RAP1GAP: variants seen among roughly 807,000 people sequenced by gnomAD.
The protein encoded by RAP1GAP is RAP1 GTPase activating protein, also known as rap1 GTPase-activating protein 1.
RAP1GAP carries 35 observed loss-of-function variants against 87.2 expected under a neutral mutation model. The ratio of observed to expected loss-of-function variants is 0.40; its 90% CI spans 0.31 to 0.53. The LOEUF (loss-of-function observed/expected upper bound fraction) is 0.53. RAP1GAP is among the 20% of genes least tolerant of loss of function. The pLI, the probability that RAP1GAP is intolerant of heterozygous loss-of-function variation, is 0.48. For synonymous variants in RAP1GAP, 375 were observed against 363.9 expected, an observed-to-expected ratio of 1.03 and a Z score of -0.35; for missense variants, 734 against 898.9, an observed-to-expected ratio of 0.82 and a Z score of 2.35.
Position 21,626,386 on chromosome 1 carries a change from C to A in RAP1GAP, c.-101G>T. 4.3e-6 allele frequency: 7 copies of A among 1,612,590 alleles called. No individual in the cohort carries two copies. Among genetic ancestry groups the A allele is most frequent in the Non-Finnish European group, 8.5e-7 (1 of 1,178,844 alleles). On this transcript the variant is annotated 5_prime_UTR_variant, in exon 3 of 25. Coordinates refer to ENST00000374765, the MANE Select transcript of RAP1GAP (RefSeq NM_002885.4). The stretch of plus-strand genomic sequence containing the variant: ...TGCCTGAGGGAAGTGCTGGTTCTGC[C>A]CATCGCTCCTCCTGGAAGAGAAAGA...
At chr1:21,612,141 CG>C in intron 10 of RAP1GAP, 32 bp from the exon 11 acceptor site, 2 of 1,488,562 alleles carry the variant, frequency 1.3e-6, no homozygotes, top group Non-Finnish European at 1.8e-6. Context: ...GAAGAGGCTG[CG>C]TGTGCAAGCT....
At chr1:21,612,210 C>A in intron 10 of RAP1GAP, 101 bp from the exon 11 acceptor site, 2 of 876,006 alleles carry the variant, frequency 2.3e-6, no homozygotes, top group South Asian at 2.9e-5. Flanking sequence ...CTACACACGT[C>A]ACGTCATGTG....
chr1:21,641,965 C>G (rs898725882), intron 2 of RAP1GAP, among the ~76,000 whole-genome samples: 4 of 152,222 alleles, frequency 2.6e-5, no homozygotes, highest in African/African-American at 9.6e-5. Context: ...CATTGTTACA[C>G]CGGCCGGCCC....
chr1:21,634,569 G>A lies in RAP1GAP; in HGVS notation c.-112-8172C>T, dbSNP rs2094385429. Among the ~76,000 whole-genome samples, 1 of 152,220 alleles carries A rather than the reference G, an allele frequency of 6.6e-6. No individual in the cohort carries two copies. Among genetic ancestry groups the A allele is most frequent in the South Asian group, 2.1e-4 (1 of 4,836 alleles). On this transcript the variant is annotated intron_variant, in intron 2 of 24. Transcript: ENST00000374765. This position sits in a 1 kb window ranked among gnomAD's most constrained non-coding sequence, Gnocchi z 4.1. ...AGACTCAGGCCCCAAGCTGGGCAGA[G>A]GGATGGGCAGGAAGGTGGCACATGG...
intron 20 of RAP1GAP, among the ~76,000 whole-genome samples, chr1:21,600,517 C>T (rs963097910): frequency 6.6e-6 from 1 of 152,178 alleles, no homozygotes; most frequent in African/African-American, 2.4e-5. Flanking sequence ...TGTACAGCAA[C>T]CGAAGTCAGC....
intron 2 of RAP1GAP, among the ~76,000 whole-genome samples, chr1:21,645,394 C>T (rs1030478644): frequency 4.6e-5 from 7 of 151,948 alleles, no homozygotes; most frequent in African/African-American, 1.5e-4. Context: ...GGAGGAGGAT[C>T]GCTTGAGCCC....
intron 20 of RAP1GAP, 105 bp from the exon 21 acceptor site, chr1:21,599,722 G>A: frequency 6.8e-7 from 1 of 1,470,124 alleles, no homozygotes; most frequent in Non-Finnish European, 9.1e-7. Context: ...GCTGGTAGCA[G>A]CCAAGCACCT....
intron 1 of RAP1GAP, 61 bp from the exon 2 acceptor site, chr1:21,649,857 G>A (rs2096416462): frequency 1.3e-6 from 2 of 1,502,636 alleles, no homozygotes; most frequent in Non-Finnish European, 1.8e-6. Context: ...GCTTGGCCCA[G>A]CATATCACAC....
In RAP1GAP at chr1:21,603,852, T is replaced by C; in HGVS notation, c.1429-939A>G. ...ACGACAACCTCTTCCACGGTTCCTA[T>C]GCCTATGGCACTGCCCCGGCGTCCG... On this transcript the variant is annotated intron_variant, in intron 18 of 24. Coordinates refer to ENST00000374765, the MANE Select transcript of RAP1GAP (RefSeq NM_002885.4). This position sits in a 1 kb window ranked among gnomAD's most constrained non-coding sequence, Gnocchi z 6.0. 6.2e-7 allele frequency: 1 copy of C among 1,606,724 alleles called. No individual in the cohort carries two copies. Among genetic ancestry groups the C allele is most frequent in the Non-Finnish European group, 8.5e-7 (1 of 1,176,720 alleles).
At position 21,602,814 on chromosome 1, in the gene RAP1GAP, G is replaced by A; in HGVS notation, c.1528C>T (p.Gln510Ter). 6.2e-7 allele frequency: 1 copy of A among 1,607,594 alleles called. No individual in the cohort carries two copies. Residue 510 changes from glutamine (Q) to a stop codon, truncating the protein, a stop_gained, in exon 19 of 25, where the codon CAG becomes TAG. Coordinates refer to ENST00000374765, the MANE Select transcript of RAP1GAP (RefSeq NM_002885.4). LOFTEE classifies it high-confidence loss of function. ...AIGIENIQEV[Q>*]EKRESPPAGQ... ...CCCCCACTCACCCACCTCTTCTCCT[G>A]CACCTCCTGTATGTTCTCGATGCCA...
chr1:21,619,651 G>A (rs1239708415), intron 4 of RAP1GAP, among the ~76,000 whole-genome samples: 1 of 152,074 alleles, frequency 6.6e-6, no homozygotes, highest in Non-Finnish European at 1.5e-5. Context: ...CAGGCCCCCA[G>A]CATCTGTCCC....
chr1:21,639,092 C>T (rs572687326), intron 2 of RAP1GAP, among the ~76,000 whole-genome samples: 4 of 152,232 alleles, frequency 2.6e-5, no homozygotes, highest in African/African-American at 9.7e-5. Context: ...GCAAGCCAGG[C>T]CAGCCGGGTT....
intron 1 of RAP1GAP, among the ~76,000 whole-genome samples, chr1:21,652,493 C>T (rs1465171462): frequency 1.3e-5 from 2 of 152,112 alleles, no homozygotes. Context: ...CCTCCAATAG[C>T]CCCTCCTTGC....
At position 21,626,074 on chromosome 1, in the gene RAP1GAP, G is replaced by A. The variant is rs916559330; in HGVS notation, c.-19+230C>T. On this transcript the variant is annotated intron_variant, in intron 3 of 24. Coordinates refer to ENST00000374765, the MANE Select transcript of RAP1GAP (RefSeq NM_002885.4). ...ATTCCCAGCTGTTTTGCTTAGATTC[G>A]CCCTAAGCCCCTCCCTGCCACAGTC... 2.0e-5 allele frequency among the ~76,000 whole-genome samples: 3 copies of A among 152,080 alleles called. No individual in the cohort carries two copies. The highest frequency in any genetic ancestry group is 4.4e-5 in the Non-Finnish European group (3 of 68,022).
At chr1:21,623,962 G>A (rs1406829777) in intron 3 of RAP1GAP, among the ~76,000 whole-genome samples, 1 of 152,238 alleles carries the variant, frequency 6.6e-6, no homozygotes. Context: ...GTATGTATGT[G>A]GGCATACTGT....
rs753716790 is a variant in RAP1GAP at position 21,601,810 on chromosome 1, C to A, written c.1539-13G>T. The A allele has an allele frequency of 6.5e-7, 1 of 1,549,044 alleles. No homozygotes were observed. The highest frequency in any genetic ancestry group is 8.8e-7 in the Non-Finnish European group (1 of 1,137,372). On this transcript the variant is annotated splice_polypyrimidine_tract_variant and intron_variant, in intron 19 of 24. Coordinates refer to ENST00000374765, the MANE Select transcript of RAP1GAP (RefSeq NM_002885.4). ...CGGAGGGCTCTCCCTGCGGGGCACA[C>A]GGGGGCAGCGGGGGGATTCAGCACC...
At position 21,660,310 on chromosome 1, in the gene RAP1GAP, AGGGCTGGACAGAGTGGGTTCC is replaced by A. The variant is rs2097070575; in HGVS notation, c.-149+8923_-149+8943del. ...CAGTGAGGAAGGGCACAGGCTCAAG[AGGGCTGGACAGAGTGGGTTCC>A]AACTCAGCTATATATATTTATTGAG... On this transcript the variant is annotated intron_variant, in intron 1 of 24. Coordinates refer to ENST00000374765, the MANE Select transcript of RAP1GAP (RefSeq NM_002885.4). Among the ~76,000 whole-genome samples, 4 of 86,074 alleles carry A rather than the reference AGGGCTGGACAGAGTGGGTTCC, an allele frequency of 4.6e-5. No homozygotes were observed. In the South Asian group the frequency reaches 1.5e-3, roughly 33 times the overall value. The allele number at this position is 86,074 out of a possible 152,430, so 56.5% of individuals were successfully genotyped here. A position where few individuals can be genotyped will look rare whatever the true frequency, so the allele number is the denominator to read the frequency against.
In RAP1GAP at chr1:21,617,308, T is replaced by G; in HGVS notation, c.289A>C (p.Lys97Gln). Residue 97 changes from lysine to glutamine, a missense_variant and splice_region_variant, in exon 7 of 25, where the codon AAG becomes CAG. Coordinates refer to ENST00000374765, the MANE Select transcript of RAP1GAP (RefSeq NM_002885.4). ...CGCTGCACCAGCCGGCCACCCACCTTGCCGAGAAAGTGCTTCCGGTAGATG... is the reference window on the plus strand; with the variant it reads ...CGCTGCACCAGCCGGCCACCCACCTGGCCGAGAAAGTGCTTCCGGTAGATG... ...ARIYRKHFLG[K>Q]EHFNYYSLDA... 6.4e-7 allele frequency: 1 copy of G among 1,568,616 alleles called. No homozygotes were observed. The highest frequency in any genetic ancestry group is 8.6e-7 in the Non-Finnish European group (1 of 1,156,072).
At chr1:21,607,560 CTTT>C in intron 17 of RAP1GAP, among the ~76,000 whole-genome samples, 1 of 39,400 alleles carries the variant, frequency 2.5e-5, no homozygotes, top group African/African-American at 8.5e-5. Context: ...AACTCTATTT[CTTT>C]CCCTCAGTCA....
Sources: allele counts gnomAD v4.1 joint callset (sites outside exome capture counted in the v4.1 genomes callset), GRCh38; gene constraint gnomAD v4.1.1; non-coding constraint Gnocchi (gnomAD v3.1); transcripts MANE v1.5; gene names NCBI Gene and HGNC (gene_info 2026-07-23, HGNC 2026-07-21).